PIP4P2: variants seen among roughly 807,000 people sequenced by gnomAD.
PIP4P2 encodes the protein phosphatidylinositol-4,5-bisphosphate 4-phosphatase 2.
PIP4P2 carries 19 observed loss-of-function variants against 33.3 expected under a neutral mutation model. The ratio of observed to expected loss-of-function variants is 0.57; its 90% CI spans 0.40 to 0.84. The LOEUF (loss-of-function observed/expected upper bound fraction) is 0.84, where lower values mean the gene tolerates loss of function less well. Ranked by LOEUF, PIP4P2 falls within the 40% of genes least tolerant of loss-of-function variation. The probability of loss-of-function intolerance (pLI) is 0.00; values close to 1 mark genes in which losing one functional copy is unlikely to be tolerated. For missense variants in PIP4P2, 270 were observed against 324.7 expected (o/e 0.83, Z 1.29); for synonymous variants, 110 against 111.9 (o/e 0.98, Z 0.11).
chr8:91,008,819 A>G (rs1178642562), intron 4 of PIP4P2, 24 bp from the exon 5 acceptor site: 1 of 1,577,002 alleles, frequency 6.3e-7, no homozygotes, highest in Non-Finnish European at 8.7e-7. Context: ...AAAGAGAGGA[A>G]TTGAAAAGAA....
intron 1 of PIP4P2, among the ~76,000 whole-genome samples, chr8:91,038,464 T>C (rs1446882591): frequency 2.0e-5 from 3 of 152,336 alleles, no homozygotes; most frequent in African/African-American, 7.2e-5. Flanking sequence ...CAAAAACATC[T>C]GATCTAGTGA....
intron 3 of PIP4P2, 43 bp downstream of exon 3, chr8:91,020,114 A>G: frequency 6.3e-7 from 1 of 1,591,224 alleles, no homozygotes; most frequent in Non-Finnish European, 8.6e-7. Context: ...TACTTGTTGA[A>G]TGAACAAATG....
At chr8:90,996,233 A>G (rs567931557) in intron 6 of PIP4P2, among the ~76,000 whole-genome samples, 189 of 152,226 alleles carry the variant, frequency 1.2e-3, no homozygotes, top group African/African-American at 4.2e-3. Flanking sequence ...TTCTCTAAAA[A>G]CAAGCCATCC....
intron 4 of PIP4P2, among the ~76,000 whole-genome samples, chr8:91,017,773 T>C (rs1222281312): frequency 6.6e-6 from 1 of 152,114 alleles, no homozygotes; most frequent in Non-Finnish European, 1.5e-5. Context: ...TCCTTATCCT[T>C]CCTGACAGGG....
At chr8:91,020,053 A>G in intron 3 of PIP4P2, 104 bp downstream of exon 3, 1 of 1,146,438 alleles carries the variant, frequency 8.7e-7, no homozygotes, top group South Asian at 1.5e-5. Context: ...TGACTTTGAA[A>G]ACAAAAACTC....
At chr8:91,003,515 AG>A (rs35037530) in intron 5 of PIP4P2, among the ~76,000 whole-genome samples, 31 of 152,166 alleles carry the variant, frequency 2.0e-4, no homozygotes, top group African/African-American at 6.3e-4. Context: ...GAAATAATGT[AG>A]GGGGTGAAAA....
chr8:91,018,146 T>C (rs190965167), intron 4 of PIP4P2, among the ~76,000 whole-genome samples: 1 of 152,310 alleles, frequency 6.6e-6, no homozygotes, highest in Non-Finnish European at 1.5e-5. Context: ...GCACGATTTC[T>C]CATTGGCCTA....
At chr8:91,014,443 C>T (rs776472205) in intron 4 of PIP4P2, among the ~76,000 whole-genome samples, 4 of 152,104 alleles carry the variant, frequency 2.6e-5, no homozygotes, top group Non-Finnish European at 5.9e-5. Flanking sequence ...CCATTTGTAA[C>T]AACATGTATT....
Position 91,018,551 on chromosome 8 carries a change from A to G in PIP4P2, c.363-38T>C, listed in dbSNP as rs776921382. 1.2e-5 allele frequency: 19 copies of G among 1,612,766 alleles called. No individual in the cohort carries two copies. The African/African-American group carries it at 2.3e-4, about 19-fold the overall frequency. The stretch of plus-strand genomic sequence containing the variant: ...AAAGGAAACAACTTCACTATCCCAC[A>G]AATGGACTGAGAGCAAAACCTGCAA... On this transcript the variant is annotated intron_variant, in intron 3 of 6. Transcript: ENST00000285419.
rs536371130 is a variant in PIP4P2, at chr8:90,995,554, T to C, written c.*123A>G. On this transcript the variant is annotated 3_prime_UTR_variant, in exon 7 of 7. Coordinates refer to ENST00000285419, the MANE Select transcript of PIP4P2 (RefSeq NM_018710.3). ...ATTTGTTCATAAAAGACTCCCAAAG[T>C]CTTGAAACGATTATACATAAACCAG... 2 of 1,240,044 alleles carry C rather than the reference T, an allele frequency of 1.6e-6. No individual in the cohort carries two copies. The highest frequency in any genetic ancestry group is 3.1e-5 in the African/African-American group (2 of 63,928). 76.8% of individuals were successfully genotyped at this position (1,240,044 alleles called of 1,614,324 possible).
At chr8:91,030,064 C>A (rs1394923463) in intron 1 of PIP4P2, among the ~76,000 whole-genome samples, 6 of 152,014 alleles carry the variant, frequency 3.9e-5, no homozygotes, top group Non-Finnish European at 7.4e-5. Flanking sequence ...GAAAAGACTG[C>A]ATGAAAGAAA....
intron 1 of PIP4P2, among the ~76,000 whole-genome samples, chr8:91,039,383 T>C (rs1207747846): frequency 1.3e-5 from 2 of 152,216 alleles, no homozygotes; most frequent in African/African-American, 4.8e-5. Context: ...CACTGAATTA[T>C]TTACAGCTAA....
intron 1 of PIP4P2, among the ~76,000 whole-genome samples, chr8:91,039,339 T>C (rs1812275020): frequency 6.6e-6 from 1 of 152,238 alleles, no homozygotes; most frequent in Non-Finnish European, 1.5e-5. Flanking sequence ...TGGGCAAGTC[T>C]CTCTCTGTGC....
rs201797293 is a variant in PIP4P2 at position 90,994,877 on chromosome 8, C to T, written c.*800G>A. The stretch of plus-strand genomic sequence containing the variant: ...AAACATGTTATGTGAAATACTTCCT[C>T]AAGCCTCTATAAAGGAATACATAGA... On this transcript the variant is annotated 3_prime_UTR_variant, in exon 7 of 7. Transcript: ENST00000285419. 1.3e-5 allele frequency: 2 copies of T among 152,170 alleles called. No homozygotes were observed. The highest frequency in any genetic ancestry group is 4.1e-4 in the South Asian group (2 of 4,828). The allele number at this position is 152,170 out of a possible 1,614,324, so 9.4% of individuals were successfully genotyped here.
chr8:91,005,505 A>G (rs1216272011), intron 5 of PIP4P2, among the ~76,000 whole-genome samples: 1 of 152,186 alleles, frequency 6.6e-6, no homozygotes, highest in East Asian at 1.9e-4. Context: ...TACCTCTTTC[A>G]AAGCACTTAA....
At position 90,994,651 on chromosome 8, in the gene PIP4P2, G is replaced by A. The variant is rs144862491; in HGVS notation, c.*1026C>T. ...TGATCTATTTTCTTGAATAATTTGG[G>A]TAATTATCTGATCAGTTACCTTTGA... On this transcript the variant is annotated 3_prime_UTR_variant, in exon 7 of 7. Transcript: ENST00000285419. 6.6e-6 allele frequency: 1 copy of A among 152,468 alleles called. No individual in the cohort carries two copies. The highest frequency in any genetic ancestry group is 2.4e-5 in the African/African-American group (1 of 41,512). 9.4% of individuals were successfully genotyped at this position (152,468 alleles called of 1,614,324 possible). A position where few individuals can be genotyped will look rare whatever the true frequency, so the allele number is the denominator to read the frequency against.
intron 1 of PIP4P2, among the ~76,000 whole-genome samples, chr8:91,037,880 T>A (rs1312722951): frequency 6.6e-6 from 1 of 152,208 alleles, no homozygotes; most frequent in African/African-American, 2.4e-5. Flanking sequence ...AGGAATCAAT[T>A]AATACATCAA....
chr8:91,007,955 G>A (rs1049662239), intron 5 of PIP4P2, among the ~76,000 whole-genome samples: 1 of 152,138 alleles, frequency 6.6e-6, no homozygotes, highest in African/African-American at 2.4e-5. Context: ...CATGGTACAT[G>A]CATGGTAATA....
intron 1 of PIP4P2, among the ~76,000 whole-genome samples, chr8:91,035,743 G>A (rs1040198740): frequency 6.6e-5 from 10 of 152,070 alleles, no homozygotes; most frequent in East Asian, 3.9e-4. Context: ...ACTGGAGGTC[G>A]CTGGGCCTGG....
Sources: gnomAD v4.1 joint callset for allele counts (sites outside exome capture counted in the v4.1 genomes callset) on GRCh38, gnomAD v4.1.1 for gene constraint, MANE v1.5 for transcripts, NCBI Gene and HGNC (gene_info 2026-07-23, HGNC 2026-07-21) for gene names.